FA2H: variants seen among roughly 807,000 people sequenced by gnomAD.
FA2H encodes the protein fatty acid 2-hydroxylase.
FA2H carries 22 observed loss-of-function variants against 44.9 expected under a neutral mutation model. The ratio of observed to expected loss-of-function variants is 0.49; its 90% confidence interval spans 0.35 to 0.70. The LOEUF is 0.70. Among genes scored for constraint, FA2H ranks in the 30% least tolerant of loss-of-function variants. FA2H has a pLI of 0.01. For missense variants in FA2H, 501 were observed against 504.9 expected (o/e 0.99, Z 0.07); for synonymous variants, 243 against 213.2 (o/e 1.14, Z -1.22).
chr16:74,755,464 C>T (rs1256957018), intron 1 of FA2H, among the ~76,000 whole-genome samples: 1 of 152,130 alleles, frequency 6.6e-6, no homozygotes, highest in Non-Finnish European at 1.5e-5. Context: ...TTGTTTTAAG[C>T]CATCCTGTGT....
chr16:74,737,266 G>A lies in FA2H; in HGVS notation c.363+2757C>T, dbSNP rs150567359. Among the ~76,000 whole-genome samples the A allele has an allele frequency of 3.0e-4, 45 of 152,286 alleles. No individual in the cohort carries two copies. In the East Asian group the frequency reaches 8.7e-3, roughly 29 times the overall value. On this transcript the variant is annotated intron_variant, in intron 2 of 6. Coordinates refer to ENST00000219368, the MANE Select transcript of FA2H (RefSeq NM_024306.5). ...CGTGTGTCCAGGAGCTGAGAGTGGT[G>A]GGCAGCTCTGGCCACCTCACCTGGC...
At chr16:74,717,326 C>T (rs1961729519) in intron 5 of FA2H, among the ~76,000 whole-genome samples, 2 of 152,152 alleles carry the variant, frequency 1.3e-5, no homozygotes, top group African/African-American at 2.4e-5. Context: ...GACAGTGACA[C>T]AATGAGATGC....
chr16:74,755,978 T>C (rs1043983237), intron 1 of FA2H, among the ~76,000 whole-genome samples: 2 of 152,128 alleles, frequency 1.3e-5, no homozygotes, highest in African/African-American at 4.8e-5. Flanking sequence ...CCCCAGAAAG[T>C]CCCAGGAATC....
chr16:74,751,469 T>G (rs1157294751), intron 1 of FA2H, among the ~76,000 whole-genome samples: 1 of 152,080 alleles, frequency 6.6e-6, no homozygotes, highest in Non-Finnish European at 1.5e-5. Flanking sequence ...TGACGCCTGG[T>G]GGGTATAGCC....
chr16:74,734,171 G>T (rs533840938), intron 2 of FA2H, among the ~76,000 whole-genome samples: 33 of 152,336 alleles, frequency 2.2e-4, no homozygotes, highest in South Asian at 8.3e-4. Context: ...TGGCTCGGGT[G>T]GGGGAGAAGG....
At chr16:74,767,530 G>A (rs1324276904) in intron 1 of FA2H, among the ~76,000 whole-genome samples, 1 of 152,192 alleles carries the variant, frequency 6.6e-6, no homozygotes, top group African/African-American at 2.4e-5. Flanking sequence ...GGTGGGTCCA[G>A]TGTGACCCCG....
At chr16:74,731,917 A>G (rs1315752226) in intron 2 of FA2H, among the ~76,000 whole-genome samples, 2 of 152,134 alleles carry the variant, frequency 1.3e-5, no homozygotes, top group African/African-American at 4.8e-5. Flanking sequence ...CTGTTGCCCA[A>G]GTGAGAGTGC....
At chr16:74,762,485 C>T (rs1163688879) in intron 1 of FA2H, among the ~76,000 whole-genome samples, 2 of 152,190 alleles carry the variant, frequency 1.3e-5, no homozygotes, top group Admixed American at 1.3e-4. Context: ...ATTTCCCTCT[C>T]CCAACCCCTT....
intron 1 of FA2H, among the ~76,000 whole-genome samples, chr16:74,740,995 G>A (rs1387860777): frequency 6.6e-6 from 1 of 152,250 alleles, no homozygotes; most frequent in Non-Finnish European, 1.5e-5. Flanking sequence ...CACGTGGGGT[G>A]GGATTGGCAG....
rs1012334202 is a variant in FA2H, at chr16:74,744,500, G to A, written c.271-4385C>T. The stretch of plus-strand genomic sequence containing the variant: ...AAGGTCTCAGTCTGTTACCCAGGCT[G>A]GAGGGCAGTGGCATGATCTTGGCTC... On this transcript the variant is annotated intron_variant, in intron 1 of 6. Transcript: ENST00000219368. 4.8e-5 allele frequency among the ~76,000 whole-genome samples: 7 copies of A among 147,248 alleles called. 1 individual carries two copies. Among genetic ancestry groups the A allele is most frequent in the Non-Finnish European group, 1.5e-5 (1 of 67,320 alleles).
intron 4 of FA2H, among the ~76,000 whole-genome samples, chr16:74,721,532 G>A (rs1455688334): frequency 6.6e-6 from 1 of 152,046 alleles, no homozygotes; most frequent in Non-Finnish European, 1.5e-5. Context: ...TCACCCCTGG[G>A]TCAGCGCAGG....
intron 1 of FA2H, among the ~76,000 whole-genome samples, chr16:74,757,742 C>T (rs1401313739): frequency 3.3e-5 from 5 of 152,088 alleles, no homozygotes; most frequent in Admixed American, 6.6e-5. Context: ...TGTGGCTGGG[C>T]GTCGTGGCAC....
chr16:74,749,738 C>G (rs993575078), intron 1 of FA2H, among the ~76,000 whole-genome samples: 2 of 152,186 alleles, frequency 1.3e-5, no homozygotes, highest in Non-Finnish European at 2.9e-5. Flanking sequence ...GGTTTTCAAG[C>G]CACTAACTCC....
chr16:74,714,059 C>T lies in FA2H; in HGVS notation c.*131G>A. 1.5e-6 allele frequency: 1 copy of T among 658,778 alleles called. No individual in the cohort carries two copies. Among genetic ancestry groups the T allele is most frequent in the Non-Finnish European group, 2.7e-6 (1 of 366,050 alleles). 40.8% of individuals were successfully genotyped at this position (658,778 alleles called of 1,614,324 possible). A position where few individuals can be genotyped will look rare whatever the true frequency, so the allele number is the denominator to read the frequency against. Reference sequence around the variant, plus strand: ...CTCAGGGCCCCCTCAGCACCTTCCACTAGGCTGCAGGGCCGGACACAGCCC... The same window carrying T: ...CTCAGGGCCCCCTCAGCACCTTCCATTAGGCTGCAGGGCCGGACACAGCCC... On this transcript the variant is annotated 3_prime_UTR_variant, in exon 7 of 7. Coordinates refer to ENST00000219368, the MANE Select transcript of FA2H (RefSeq NM_024306.5).
chr16:74,717,486 T>C (rs1961732866), intron 5 of FA2H, among the ~76,000 whole-genome samples: 2 of 152,298 alleles, frequency 1.3e-5, no homozygotes, highest in South Asian at 4.1e-4. Flanking sequence ...TTGGTAGTGT[T>C]TGCCAATTCC....
rs1157286414 is a variant in FA2H at position 74,745,543 on chromosome 16, G to C, written c.271-5428C>G. 2.0e-5 allele frequency among the ~76,000 whole-genome samples: 3 copies of C among 152,238 alleles called. No homozygotes were observed. In the East Asian group the frequency reaches 5.8e-4, roughly 29 times the overall value. On this transcript the variant is annotated intron_variant, in intron 1 of 6. Transcript: ENST00000219368. Reference sequence around the variant, plus strand: ...AATGGCCAAGGTGCTCTGCCAAGGAGACGGGGTCAGCAGGCACTGCTCATT... The same window carrying C: ...AATGGCCAAGGTGCTCTGCCAAGGACACGGGGTCAGCAGGCACTGCTCATT...
At chr16:74,722,343 C>T (rs1330218607) in intron 4 of FA2H, among the ~76,000 whole-genome samples, 1 of 151,888 alleles carries the variant, frequency 6.6e-6, no homozygotes, top group African/African-American at 2.4e-5. Flanking sequence ...TGAGGCCAGC[C>T]TGGGCAACAC....
intron 1 of FA2H, among the ~76,000 whole-genome samples, chr16:74,768,882 T>C (rs1312713241): frequency 1.3e-5 from 2 of 151,926 alleles, no homozygotes; most frequent in African/African-American, 4.8e-5. Context: ...CACATCAAGG[T>C]TACCCCAACA....
rs567505793 is a variant in FA2H, at chr16:74,770,560, G to C, written c.270+3926C>G. On this transcript the variant is annotated intron_variant, in intron 1 of 6. Transcript: ENST00000219368. ...CACCCAGCTAATTTTTTGTAGAGAC[G>C]GGGTTTCACCATGTTGCCCAGGCTG... 2.0e-5 allele frequency among the ~76,000 whole-genome samples: 3 copies of C among 152,168 alleles called. No individual in the cohort carries two copies. In the South Asian group the frequency reaches 6.2e-4, roughly 32 times the overall value.
Sources: allele counts gnomAD v4.1 joint callset (sites outside exome capture counted in the v4.1 genomes callset), GRCh38; gene constraint gnomAD v4.1.1; transcripts MANE v1.5; gene names NCBI Gene and HGNC (gene_info 2026-07-23, HGNC 2026-07-21).